ATP2B2: variants seen among roughly 807,000 people sequenced by gnomAD.
The protein encoded by ATP2B2 is ATPase plasma membrane Ca2+ transporting 2, also known as plasma membrane calcium-transporting ATPase 2.
Under a neutral mutation model 120.0 loss-of-function variants are expected in ATP2B2, and 15 were observed. The observed-to-expected ratio is 0.12, with a 90% CI of 0.08 to 0.19. The LOEUF (loss-of-function observed/expected upper bound fraction) is 0.19, where lower values mean the gene tolerates loss of function less well. Ranked by LOEUF, ATP2B2 falls within the 10% of genes least tolerant of loss-of-function variation. ATP2B2 has a pLI of 1.00. For synonymous variants in ATP2B2, 694 were observed against 700.3 expected, an observed-to-expected ratio of 0.99 and a Z score of 0.14; for missense variants, 1,045 against 1,719.8, an observed-to-expected ratio of 0.61 and a Z score of 6.94.
At chr3:10,686,349 G>A (rs368887205) in intron 1 of ATP2B2, among the ~76,000 whole-genome samples, 10 of 152,144 alleles carry the variant, frequency 6.6e-5, no homozygotes, top group Middle Eastern at 3.4e-3. Context: ...ATAGTATCAC[G>A]TCTGTTTTTA....
intron 1 of ATP2B2, among the ~76,000 whole-genome samples, chr3:10,620,604 G>A (rs887778695): frequency 1.3e-5 from 2 of 152,294 alleles, no homozygotes; most frequent in South Asian, 2.1e-4. Flanking sequence ...ATGGGAGGAC[G>A]GGGTGGCTTC....
At chr3:10,339,919 AG>A (rs2060226862) in intron 21 of ATP2B2, among the ~76,000 whole-genome samples, 1 of 152,228 alleles carries the variant, frequency 6.6e-6, no homozygotes, top group African/African-American at 2.4e-5. Flanking sequence ...ATTTATGACA[AG>A]TGATACTGAT....
chr3:10,666,601 T>C (rs987867922), intron 1 of ATP2B2, among the ~76,000 whole-genome samples: 4 of 152,200 alleles, frequency 2.6e-5, no homozygotes, highest in African/African-American at 9.7e-5. Context: ...TTTCTATGCA[T>C]ACACCAGATA....
intron 10 of ATP2B2, among the ~76,000 whole-genome samples, chr3:10,376,570 G>A (rs1158581319): frequency 6.6e-6 from 1 of 152,210 alleles, no homozygotes; most frequent in Admixed American, 6.5e-5. Flanking sequence ...AGTTTAGCAT[G>A]CCCATCCCCC....
intron 2 of ATP2B2, among the ~76,000 whole-genome samples, chr3:10,433,948 G>A (rs1348800325): frequency 6.6e-6 from 1 of 151,858 alleles, no homozygotes; most frequent in Non-Finnish European, 1.5e-5. Context: ...ATCTTTGTTG[G>A]TTTTGCTCAC....
chr3:10,615,525 G>T (rs2069361597), intron 2 of ATP2B2, among the ~76,000 whole-genome samples: 1 of 152,150 alleles, frequency 6.6e-6, no homozygotes, highest in Non-Finnish European at 1.5e-5. Flanking sequence ...CAGTCCAACG[G>T]CCAGCCCCTC....
At chr3:10,665,466 A>G (rs528020455) in intron 1 of ATP2B2, among the ~76,000 whole-genome samples, 3 of 152,156 alleles carry the variant, frequency 2.0e-5, no homozygotes, top group South Asian at 4.2e-4. Flanking sequence ...AGCAAGCACA[A>G]CTTGACACGT....
At position 10,359,309 on chromosome 3, in the gene ATP2B2, C is replaced by T. The variant is rs147218830; in HGVS notation, c.1902-384G>A. On this transcript the variant is annotated intron_variant, in intron 13 of 22. Transcript: ENST00000360273. ...CCCCAGAGGTTCCAGTTCAATTTGT[C>T]TGGGGTGAATCCAGGAATCAATGTT... Among the ~76,000 whole-genome samples, 25 of 152,278 alleles carry T rather than the reference C, an allele frequency of 1.6e-4. No homozygotes were observed. The East Asian group carries it at 4.8e-3, about 29-fold the overall frequency.
At chr3:10,597,046 T>C (rs2068783354) in intron 2 of ATP2B2, among the ~76,000 whole-genome samples, 5 of 98,490 alleles carry the variant, frequency 5.1e-5, no homozygotes, top group Admixed American at 1.1e-4. Context: ...CACACACAGG[T>C]GCGCACACAC....
At position 10,704,295 on chromosome 3, in the gene ATP2B2, C is replaced by A. The variant is rs550875788; in HGVS notation, c.-460+3620G>T. Among the ~76,000 whole-genome samples, 41 of 152,334 alleles carry A rather than the reference C, an allele frequency of 2.7e-4. 1 individual carries two copies. The South Asian group carries it at 8.5e-3, about 32-fold the overall frequency. On this transcript the variant is annotated intron_variant, in intron 1 of 21. Transcript: ENST00000646379. The stretch of plus-strand genomic sequence containing the variant: ...ACACATGGAAAAGCATCTCACATAG[C>A]AAGTGGCATATGGCAGGGGCTTAAA...
chr3:10,449,622 C>T lies in ATP2B2; in HGVS notation c.-79G>A. 1.3e-6 allele frequency: 2 copies of T among 1,552,194 alleles called. No individual in the cohort carries two copies. Among genetic ancestry groups the T allele is most frequent in the African/African-American group, 1.4e-5 (1 of 73,612 alleles). ...GCTGCCGGGTGATGGCTGCTTGTGGCTGTCCTCAGCACACCCTCACTGGTC... is the reference window on the plus strand; with the variant it reads ...GCTGCCGGGTGATGGCTGCTTGTGGTTGTCCTCAGCACACCCTCACTGGTC... On this transcript the variant is annotated 5_prime_UTR_variant, in exon 2 of 23. Coordinates refer to ENST00000360273, the MANE Select transcript of ATP2B2 (RefSeq NM_001001331.4).
At chr3:10,336,192 T>A in intron 22 of ATP2B2, 6 of 1,550,638 alleles carry the variant, frequency 3.9e-6, no homozygotes, top group Non-Finnish European at 5.2e-6. Flanking sequence ...GACACGCGAC[T>A]AGGGCTAGAG....
intron 1 of ATP2B2, among the ~76,000 whole-genome samples, chr3:10,464,916 C>T (rs1257185485): frequency 6.6e-6 from 1 of 152,232 alleles, no homozygotes; most frequent in Non-Finnish European, 1.5e-5. Flanking sequence ...AGGCCCAAGG[C>T]CAGTCAGAGG....
intron 3 of ATP2B2, among the ~76,000 whole-genome samples, chr3:10,404,681 T>C (rs1199379524): frequency 6.6e-6 from 1 of 151,984 alleles, no homozygotes; most frequent in Non-Finnish European, 1.5e-5. Flanking sequence ...TGGATTTGAG[T>C]GACATATGAT....
chr3:10,377,564 G>C (rs1042523444), intron 10 of ATP2B2, among the ~76,000 whole-genome samples: 1 of 152,158 alleles, frequency 6.6e-6, no homozygotes, highest in Non-Finnish European at 1.5e-5. Context: ...TTTGCAGCTG[G>C]GCCAGCGGGG....
In ATP2B2 at chr3:10,523,360, G is replaced by A. The variant is rs184869472; in HGVS notation, c.-320+10679C>T. ...TCTATTAAAAAAATCACTCTTAAAC[G>A]TTTCTCCTGAACATGTCCCCCAACT... On this transcript the variant is annotated intron_variant, in intron 3 of 21. Coordinates refer to the ATP2B2 transcript ENST00000646379. Among the ~76,000 whole-genome samples the A allele has an allele frequency of 5.0e-4, 76 of 152,260 alleles. 2 individuals carry two copies. The highest frequency in any genetic ancestry group is 4.6e-3 in the Admixed American group (70 of 15,300).
intron 2 of ATP2B2, among the ~76,000 whole-genome samples, chr3:10,542,563 G>C (rs571009427): frequency 2.9e-4 from 44 of 152,242 alleles, no homozygotes; most frequent in Admixed American, 2.2e-3. Flanking sequence ...TCCTTCATCT[G>C]AGAATGTCTT....
At chr3:10,655,007 GCA>G (rs2070577802) in intron 1 of ATP2B2, among the ~76,000 whole-genome samples, 1 of 152,148 alleles carries the variant, frequency 6.6e-6, no homozygotes, top group Non-Finnish European at 1.5e-5. Flanking sequence ...TGGAAGACCT[GCA>G]CAGTTTAAAA....
In ATP2B2 at chr3:10,340,571, G is replaced by A. The variant is rs769667950; in HGVS notation, c.3051C>T (p.His1017=). The change falls in exon 20 of 23, where the codon CAC becomes CAT. Residue 1017 remains histidine, a synonymous_variant. Transcript: ENST00000360273. The surrounding 1 kb of genome is among the most constrained non-coding windows in gnomAD (Gnocchi z 5.0). ...TGCCGTCAAAGACATTGCGCTCGCCGTGGATCTTGCGGGCGTTGATCTCGT... is the reference window on the plus strand; with the variant it reads ...TGCCGTCAAAGACATTGCGCTCGCCATGGATCTTGCGGGCGTTGATCTCGT... ...LFNEINARKI[H]GERNVFDGIF... 2.5e-5 allele frequency: 41 copies of A among 1,614,132 alleles called. No individual in the cohort carries two copies. In the Middle Eastern group the frequency reaches 4.9e-4, roughly 19 times the overall value.
Sources: allele counts gnomAD v4.1 joint callset (sites outside exome capture counted in the v4.1 genomes callset), GRCh38; gene constraint gnomAD v4.1.1; non-coding constraint Gnocchi (gnomAD v3.1); transcripts MANE v1.5; gene names NCBI Gene and HGNC (gene_info 2026-07-23, HGNC 2026-07-21).